The following RFFL variants were observed in gnomAD, a reference collection of about 807,000 sequenced individuals.
RFFL encodes the protein E3 ubiquitin-protein ligase rififylin.
Under a neutral mutation model 40.4 loss-of-function variants are expected in RFFL, and 16 were observed. The observed-to-expected ratio is 0.40, with a 90% CI of 0.27 to 0.60. The LOEUF (loss-of-function observed/expected upper bound fraction) is 0.60, where lower values mean the gene tolerates loss of function less well. Ranked by LOEUF, RFFL falls within the 20% of genes least tolerant of loss-of-function variation. The pLI is 0.47. For missense variants in RFFL, 367 were observed against 451.7 expected, an observed-to-expected ratio of 0.81 and a Z score of 1.70; for synonymous variants, 154 against 167.9, an observed-to-expected ratio of 0.92 and a Z score of 0.64.
At chr17:35,069,189 A>G in intron 1 of RFFL, 1 of 454,282 alleles carries the variant, frequency 2.2e-6, no homozygotes, top group South Asian at 1.6e-5. Context: ...TAATACACAC[A>G]CTCACATGCT....
intron 1 of RFFL, among the ~76,000 whole-genome samples, chr17:35,080,310 T>A (rs1457098735): frequency 6.6e-6 from 1 of 152,198 alleles, no homozygotes; most frequent in African/African-American, 2.4e-5. Context: ...AGGATGAAGC[T>A]TGGTTATTTC....
In RFFL at chr17:35,038,286, C is replaced by CA. The variant is rs33952696; in HGVS notation, c.-8-11726dup. ...CCTGGATGACAGAGCAAAACTGTCT[C>CA]AAAAAAAAAAAAAAAAAAAAGGAAA... On this transcript the variant is annotated intron_variant, in intron 1 of 6. Transcript: ENST00000394597. Among the ~76,000 whole-genome samples, 560 of 99,048 alleles carry CA rather than the reference C, an allele frequency of 5.7e-3. 3 individuals are homozygous for CA. The highest frequency in any genetic ancestry group is 0.014 in the South Asian group (43 of 3,012). 65.0% of individuals were successfully genotyped at this position (99,048 alleles called of 152,430 possible). A position where few individuals can be genotyped will look rare whatever the true frequency, so the allele number is the denominator to read the frequency against.
At chr17:35,029,685 T>A (rs952329747) in intron 1 of RFFL, among the ~76,000 whole-genome samples, 3 of 151,532 alleles carry the variant, frequency 2.0e-5, no homozygotes, top group African/African-American at 7.3e-5. Flanking sequence ...ACCTGGCTAA[T>A]TTTTTATTTT....
chr17:35,059,088 G>C (rs1597835509), intron 1 of RFFL, among the ~76,000 whole-genome samples: 1 of 139,330 alleles, frequency 7.2e-6, no homozygotes, highest in Admixed American at 7.6e-5. Flanking sequence ...GCACAATCTT[G>C]GCTCACTGCA....
intron 1 of RFFL, among the ~76,000 whole-genome samples, chr17:35,084,957 A>C (rs1258987650): frequency 2.6e-5 from 4 of 152,128 alleles, no homozygotes; most frequent in Non-Finnish European, 5.9e-5. Context: ...ATTAATAAAA[A>C]TAAAAGGTAG....
upstream of RFFL, among the ~76,000 whole-genome samples, chr17:35,064,223 G>A (rs1242917190): frequency 6.6e-6 from 1 of 151,960 alleles, no homozygotes; most frequent in Non-Finnish European, 1.5e-5. Context: ...TTTCCCACTA[G>A]GCCTCCTCTG....
At chr17:35,071,005 T>C (rs577670127) in intron 1 of RFFL, among the ~76,000 whole-genome samples, 26 of 152,138 alleles carry the variant, frequency 1.7e-4, no homozygotes, top group Admixed American at 1.6e-3. Context: ...GAGACCAGCC[T>C]GGCCAACAGG....
intron 1 of RFFL, among the ~76,000 whole-genome samples, chr17:35,070,383 T>C (rs2142376680): frequency 6.6e-6 from 1 of 152,296 alleles, no homozygotes; most frequent in South Asian, 2.1e-4. Context: ...GTTCCCAGAC[T>C]GATCTCAAAC....
At chr17:35,057,911 A>C (rs2091269885) in intron 1 of RFFL, among the ~76,000 whole-genome samples, 1 of 152,052 alleles carries the variant, frequency 6.6e-6, no homozygotes, top group African/African-American at 2.4e-5. Context: ...TGAGGCAGAC[A>C]CTATGTTAGA....
At chr17:35,084,179 C>A (rs993938233) in intron 1 of RFFL, among the ~76,000 whole-genome samples, 1 of 152,108 alleles carries the variant, frequency 6.6e-6, no homozygotes, top group African/African-American at 2.4e-5. Context: ...GCAGAGGTTG[C>A]GGTGAGCCGA....
chr17:35,088,045 T>A (rs982760188), intron 1 of RFFL, among the ~76,000 whole-genome samples: 1 of 152,164 alleles, frequency 6.6e-6, no homozygotes. Flanking sequence ...TAAATTGAAC[T>A]GTCACGGGGA....
intron 1 of RFFL, among the ~76,000 whole-genome samples, chr17:35,069,888 G>A (rs1291662242): frequency 6.6e-6 from 1 of 151,758 alleles, no homozygotes; most frequent in Non-Finnish European, 1.5e-5. Flanking sequence ...GGAACCCAAA[G>A]CTCCATCCCA....
chr17:35,052,235 A>AT (rs1421778329), intron 1 of RFFL, among the ~76,000 whole-genome samples: 2 of 152,088 alleles, frequency 1.3e-5, no homozygotes, highest in Non-Finnish European at 2.9e-5. Flanking sequence ...GTACCGGAAG[A>AT]TTTTTTTTCC....
chr17:35,064,196 C>G (rs971910240), upstream of RFFL, among the ~76,000 whole-genome samples: 1 of 152,162 alleles, frequency 6.6e-6, no homozygotes, highest in Admixed American at 6.5e-5. Flanking sequence ...CAGTTCTAAC[C>G]AGGCTCATTG....
At chr17:35,055,700 A>AC (rs1424091080) in intron 1 of RFFL, among the ~76,000 whole-genome samples, 1 of 151,636 alleles carries the variant, frequency 6.6e-6, no homozygotes, top group Non-Finnish European at 1.5e-5. Context: ...AAACAAACAA[A>AC]AAAAAAACAT....
intron 1 of RFFL, among the ~76,000 whole-genome samples, chr17:35,073,448 C>T (rs906697386): frequency 6.6e-6 from 1 of 152,140 alleles, no homozygotes; most frequent in African/African-American, 2.4e-5. Context: ...AGGCTTCTTA[C>T]CGCAAATAGT....
Position 35,026,427 on chromosome 17 carries a change from A to G in RFFL, c.127T>C (p.Leu43=), listed in dbSNP as rs2091041202. The G allele has an allele frequency of 2.5e-6, 4 of 1,614,014 alleles. No homozygotes were observed. The highest frequency in any genetic ancestry group is 3.4e-6 in the Non-Finnish European group (4 of 1,179,948). The change falls in exon 2 of 7, where the codon TTG becomes CTG. Residue 43 remains leucine (L), a synonymous_variant. Coordinates refer to ENST00000394597, the MANE Select transcript of RFFL (RefSeq NM_001017368.2). ...CCACAGGACTTGCAGCTTGGTTCCA[A>G]GCCTGTTGGGGAAGGGAAGGAGCTG... ...GYSSFPSPTG[L]EPSCKSCGAH...
chr17:35,083,407 G>A (rs1281426059), intron 1 of RFFL, among the ~76,000 whole-genome samples: 1 of 152,086 alleles, frequency 6.6e-6, no homozygotes, highest in Non-Finnish European at 1.5e-5. Flanking sequence ...CAAACATCCT[G>A]GATAGCATAA....
chr17:35,070,929 GC>G, intron 1 of RFFL, among the ~76,000 whole-genome samples: 1 of 152,206 alleles, frequency 6.6e-6, no homozygotes, highest in Middle Eastern at 3.2e-3. Context: ...AGGCACGGTG[GC>G]CCATGCCTGT....
Sources: allele counts gnomAD v4.1 joint callset (sites outside exome capture counted in the v4.1 genomes callset), GRCh38; gene constraint gnomAD v4.1.1; transcripts MANE v1.5; gene names NCBI Gene and HGNC (gene_info 2026-07-23, HGNC 2026-07-21).